Variants in ERICH1 observed in about 807,000 individuals in gnomAD.
The protein encoded by ERICH1 is glutamate rich 1.
ERICH1 carries 56 observed loss-of-function variants against 39.6 expected under a neutral mutation model. The ratio of observed to expected loss-of-function variants is 1.41; its 90% CI spans 1.14 to 1.77. The LOEUF (loss-of-function observed/expected upper bound fraction) is 1.77, where lower values mean the gene tolerates loss of function less well. Ranked by LOEUF, ERICH1 falls within the 40% of genes most tolerant of loss-of-function variation. The pLI, the probability that ERICH1 is intolerant of heterozygous loss-of-function variation, is 0.00. For missense variants in ERICH1, 826 were observed against 575.4 expected, an observed-to-expected ratio of 1.44 and a Z score of -4.45; for synonymous variants, 313 against 223.6, an observed-to-expected ratio of 1.40 and a Z score of -3.57.
At chr8:712,041 T>C (rs1436762251) in intron 2 of ERICH1, among the ~76,000 whole-genome samples, 1 of 152,260 alleles carries the variant, frequency 6.6e-6, no homozygotes, top group Non-Finnish European at 1.5e-5. Flanking sequence ...TCTTGATTAC[T>C]GTAGATTTCT....
At chr8:674,910 A>G (rs897860823) in intron 3 of ERICH1, among the ~76,000 whole-genome samples, 3 of 152,298 alleles carry the variant, frequency 2.0e-5, no homozygotes, top group African/African-American at 4.8e-5. Flanking sequence ...GAGTCCTCCA[A>G]TCTGCTCATT....
intron 3 of ERICH1, among the ~76,000 whole-genome samples, chr8:637,296 C>T (rs1404233703): frequency 6.6e-6 from 1 of 152,236 alleles, no homozygotes; most frequent in East Asian, 1.9e-4. Flanking sequence ...AGAGCTGCCA[C>T]CCTGGGACCT....
chr8:677,933 G>A (rs1805231630), intron 3 of ERICH1, among the ~76,000 whole-genome samples: 1 of 152,134 alleles, frequency 6.6e-6, no homozygotes, highest in Non-Finnish European at 1.5e-5. Flanking sequence ...CATCGCCAGT[G>A]TCGTACCCCG....
intron 2 of ERICH1, among the ~76,000 whole-genome samples, chr8:712,016 G>A (rs1173430149): frequency 6.6e-6 from 1 of 152,100 alleles, no homozygotes; most frequent in Non-Finnish European, 1.5e-5. Flanking sequence ...CTACTCTTTT[G>A]CCAAAAATAC....
intron 3 of ERICH1, among the ~76,000 whole-genome samples, chr8:655,283 C>T (rs751281839): frequency 2.0e-5 from 3 of 152,222 alleles, no homozygotes; most frequent in African/African-American, 2.4e-5. Context: ...TTCACTCTTA[C>T]GCTCAGACGC....
intron 3 of ERICH1, among the ~76,000 whole-genome samples, chr8:631,274 G>C (rs1221219586): frequency 2.6e-5 from 4 of 152,234 alleles, no homozygotes; most frequent in Non-Finnish European, 5.9e-5. Flanking sequence ...CAGCCCCCGT[G>C]CCCCTGCTCC....
At position 668,746 on chromosome 8, in the gene ERICH1, C is replaced by G; in HGVS notation, c.1110G>C (p.Glu370Asp). 1 of 1,613,224 alleles carries G rather than the reference C, an allele frequency of 6.2e-7. No individual in the cohort carries two copies. The highest frequency in any genetic ancestry group is 1.3e-5 in the African/African-American group (1 of 75,056). Residue 370 changes from glutamate to aspartate, a missense_variant, in exon 5 of 6, where the codon GAG becomes GAC. Glu to Asp is a conservative substitution (Grantham distance 45, BLOSUM62 2). Transcript: ENST00000262109. ...GTGACGCAAGGCGGTCCAGCAGCTC[C>G]TCAGCGGCATCTGCGAGGGCAGCTG... ...AASAALADAA[E>D]ELLDRLASHS...
At chr8:698,515 G>C (rs1040268525) in intron 2 of ERICH1, among the ~76,000 whole-genome samples, 5 of 152,000 alleles carry the variant, frequency 3.3e-5, no homozygotes, top group Admixed American at 1.3e-4. Flanking sequence ...CACCGTGCCC[G>C]GCCCTGAATT....
At chr8:694,283 G>A (rs186810727) in intron 2 of ERICH1, among the ~76,000 whole-genome samples, 158 of 152,286 alleles carry the variant, frequency 1.0e-3, no homozygotes, top group Admixed American at 2.1e-3. Context: ...TTCCCTGCCG[G>A]AGCCAAGGGC....
chr8:669,112 C>T (rs533733233), intron 4 of ERICH1: 1 of 245,868 alleles, frequency 4.1e-6, no homozygotes, highest in South Asian at 6.3e-5. Flanking sequence ...TCCCCTGGCC[C>T]GTCTACACGT....
At chr8:671,122 G>A (rs976792655) in intron 4 of ERICH1, among the ~76,000 whole-genome samples, 3 of 151,078 alleles carry the variant, frequency 2.0e-5, no homozygotes, top group Admixed American at 6.6e-5. Flanking sequence ...CCCAGGCTCC[G>A]ACCTCTGAAC....
At chr8:713,941 T>C (rs1221442411) in intron 2 of ERICH1, among the ~76,000 whole-genome samples, 1 of 144,652 alleles carries the variant, frequency 6.9e-6, no homozygotes, top group East Asian at 2.0e-4. Flanking sequence ...CCCGCCCACA[T>C]GTGCTGCACC....
intron 3 of ERICH1, among the ~76,000 whole-genome samples, chr8:642,965 C>T (rs868656531): frequency 5.9e-5 from 9 of 152,128 alleles, no homozygotes; most frequent in Non-Finnish European, 1.2e-4. Flanking sequence ...TGGGAGACGC[C>T]GCCGAGTCAC....
At chr8:643,919 C>A (rs1295704466) in intron 3 of ERICH1, among the ~76,000 whole-genome samples, 1 of 152,370 alleles carries the variant, frequency 6.6e-6, no homozygotes, top group African/African-American at 2.4e-5. Context: ...TGGAGAAACA[C>A]CCGGAATCGT....
intron 3 of ERICH1, among the ~76,000 whole-genome samples, chr8:678,783 G>C (rs1805431825): frequency 6.6e-6 from 1 of 152,164 alleles, no homozygotes; most frequent in Non-Finnish European, 1.5e-5. Context: ...ACTCCAGCCT[G>C]GGTGACAGCG....
At chr8:621,260 G>A (rs989386387) in intron 3 of ERICH1, among the ~76,000 whole-genome samples, 7 of 152,060 alleles carry the variant, frequency 4.6e-5, no homozygotes, top group Non-Finnish European at 2.9e-5. Context: ...TTTATAGACT[G>A]CAGCTAAAGC....
chr8:705,419 A>G (rs1168605099), intron 2 of ERICH1, among the ~76,000 whole-genome samples: 1 of 152,250 alleles, frequency 6.6e-6, no homozygotes, highest in Non-Finnish European at 1.5e-5. Context: ...TCCAGATGCA[A>G]GTAAATTATA....
At chr8:674,771 G>GA (rs1366438812) in intron 3 of ERICH1, among the ~76,000 whole-genome samples, 3 of 152,216 alleles carry the variant, frequency 2.0e-5, no homozygotes, top group African/African-American at 4.8e-5. Context: ...TTGCCCATCT[G>GA]AGTCAGCATC....
intron 3 of ERICH1, among the ~76,000 whole-genome samples, chr8:634,942 T>A (rs973618509): frequency 6.6e-6 from 1 of 152,138 alleles, no homozygotes. Flanking sequence ...GGCTGCCCTC[T>A]TGGTGCCTCT....
Sources: gnomAD v4.1 joint callset for allele counts (sites outside exome capture counted in the v4.1 genomes callset) on GRCh38, gnomAD v4.1.1 for gene constraint, MANE v1.5 for transcripts, NCBI Gene and HGNC (gene_info 2026-07-23, HGNC 2026-07-21) for gene names.